The following RIMBP2 variants were observed in gnomAD, a reference collection of about 807,000 sequenced individuals.
RIMBP2 encodes the protein RIMS binding protein 2.
Under a neutral mutation model 118.6 loss-of-function variants are expected in RIMBP2, and 48 were observed. The observed-to-expected ratio is 0.40, with a 90% CI of 0.32 to 0.51. RIMBP2 has a LOEUF of 0.51. Ranked by LOEUF, RIMBP2 falls within the 20% of genes least tolerant of loss-of-function variation. The pLI is 0.41. For missense variants in RIMBP2, 1,551 were observed against 1,768.3 expected, an observed-to-expected ratio of 0.88 and a Z score of 2.20; for synonymous variants, 762 against 742.9, an observed-to-expected ratio of 1.03 and a Z score of -0.42.
intron 7 of RIMBP2, among the ~76,000 whole-genome samples, chr12:130,455,262 G>A (rs1428331876): frequency 1.3e-5 from 2 of 152,248 alleles, no homozygotes; most frequent in Non-Finnish European, 2.9e-5. Flanking sequence ...CTCAAATGTG[G>A]TTTCTTGGCA....
chr12:130,436,451 AC>A (rs2077525160), intron 13 of RIMBP2, among the ~76,000 whole-genome samples: 1 of 152,150 alleles, frequency 6.6e-6, no homozygotes, highest in African/African-American at 2.4e-5. Flanking sequence ...ACATGCACAC[AC>A]ACACAGAACC....
At position 130,475,976 on chromosome 12, in the gene RIMBP2, C is replaced by T. The variant is rs138993730; in HGVS notation, c.102+2936G>A. Among the ~76,000 whole-genome samples the T allele has an allele frequency of 6.0e-4, 92 of 152,070 alleles. 1 individual carries two copies. Among genetic ancestry groups the T allele is most frequent in the African/African-American group, 2.1e-3 (86 of 41,506 alleles). Reference sequence around the variant, plus strand: ...ATCGTCTGGCTTCCGGGTCTAAACCCGGGAGTTACCACGCAGAGGTGGTGC... The same window carrying T: ...ATCGTCTGGCTTCCGGGTCTAAACCTGGGAGTTACCACGCAGAGGTGGTGC... On this transcript the variant is annotated intron_variant, in intron 5 of 22. Coordinates refer to ENST00000690449, the MANE Select transcript of RIMBP2 (RefSeq NM_001393629.1). The surrounding 1 kb of genome is among the most constrained non-coding windows in gnomAD (Gnocchi z 4.1).
intron 14 of RIMBP2, among the ~76,000 whole-genome samples, chr12:130,432,569 A>G (rs1298477653): frequency 1.3e-5 from 2 of 152,178 alleles, no homozygotes; most frequent in Admixed American, 6.5e-5. Context: ...AGATTAAATG[A>G]CATCATGATG....
At chr12:130,438,969 G>A (rs1012027169) in intron 11 of RIMBP2, among the ~76,000 whole-genome samples, 14 of 143,450 alleles carry the variant, frequency 9.8e-5, no homozygotes, top group Non-Finnish European at 1.8e-4. Context: ...TCATCCCCCC[G>A]CCCGCCCCTC....
At chr12:130,610,223 T>C (rs1053669466) in intron 2 of RIMBP2, among the ~76,000 whole-genome samples, 2 of 151,030 alleles carry the variant, frequency 1.3e-5, no homozygotes, top group Admixed American at 1.3e-4. Context: ...CCTCCCGTTC[T>C]GGGGGAAAAT....
chr12:130,692,359 G>C (rs977667553), intron 1 of RIMBP2, among the ~76,000 whole-genome samples: 3 of 152,056 alleles, frequency 2.0e-5, no homozygotes, highest in Non-Finnish European at 4.4e-5. Flanking sequence ...CCCACTGCTT[G>C]TTTATAACAA....
chr12:130,571,656 T>A (rs1369665389), intron 2 of RIMBP2, among the ~76,000 whole-genome samples: 1 of 152,024 alleles, frequency 6.6e-6, no homozygotes, highest in East Asian at 1.9e-4. Flanking sequence ...CACAGTAACC[T>A]CTTAATGCTC....
At chr12:130,470,367 C>T in intron 6 of RIMBP2, 1 of 275,568 alleles carries the variant, frequency 3.6e-6, no homozygotes. Flanking sequence ...AGCGAGTGAG[C>T]CACGCCCCCT....
chr12:130,541,953 T>G (rs2054649197), intron 2 of RIMBP2, among the ~76,000 whole-genome samples: 2 of 152,232 alleles, frequency 1.3e-5, no homozygotes. Flanking sequence ...GGCTGAGTGT[T>G]GGCAAGGTGA....
At chr12:130,606,837 C>T (rs929277759) in intron 2 of RIMBP2, among the ~76,000 whole-genome samples, 53 of 152,102 alleles carry the variant, frequency 3.5e-4, no homozygotes, top group African/African-American at 1.3e-3. Context: ...ACAAGCAGTT[C>T]CAATTCTTTT....
At chr12:130,403,884 G>C (rs1482654241) in intron 21 of RIMBP2, among the ~76,000 whole-genome samples, 1 of 152,048 alleles carries the variant, frequency 6.6e-6, no homozygotes, top group African/African-American at 2.4e-5. Context: ...AAAATAAGCA[G>C]AGCAAACTAA....
At chr12:130,702,909 A>G (rs1311154068) in intron 1 of RIMBP2, among the ~76,000 whole-genome samples, 2 of 152,134 alleles carry the variant, frequency 1.3e-5, no homozygotes, top group African/African-American at 4.8e-5. Context: ...CCATGAAATC[A>G]ACCATCCCGG....
intron 1 of RIMBP2, among the ~76,000 whole-genome samples, chr12:130,668,881 G>C (rs2064071334): frequency 6.6e-6 from 1 of 152,230 alleles, no homozygotes; most frequent in South Asian, 2.1e-4. Context: ...CACCCTCCAT[G>C]TTAAGCCAAG....
At chr12:130,649,878 C>T (rs986471669) in intron 1 of RIMBP2, among the ~76,000 whole-genome samples, 18 of 152,100 alleles carry the variant, frequency 1.2e-4, no homozygotes, top group South Asian at 4.1e-4. Context: ...TCACACTCTG[C>T]GGGCCCTGGA....
chr12:130,448,251 G>A (rs1593335668), intron 9 of RIMBP2, among the ~76,000 whole-genome samples: 3 of 152,154 alleles, frequency 2.0e-5, no homozygotes, highest in African/African-American at 4.8e-5. Flanking sequence ...GGCTCGTCAC[G>A]CCCCCGCTTC....
At chr12:130,562,927 T>C (rs1477328000) in intron 2 of RIMBP2, among the ~76,000 whole-genome samples, 1 of 152,228 alleles carries the variant, frequency 6.6e-6, no homozygotes, top group African/African-American at 2.4e-5. Context: ...AGTAACTCAC[T>C]GTGCATTTAA....
chr12:130,646,141 C>CGCT (rs1449956819), intron 1 of RIMBP2, among the ~76,000 whole-genome samples: 2 of 102,844 alleles, frequency 1.9e-5, no homozygotes, highest in Admixed American at 1.0e-4. Context: ...CCACCTCCCT[C>CGCT]ACCACCTGCC....
At chr12:130,506,149 C>T (rs180842935) in intron 4 of RIMBP2, among the ~76,000 whole-genome samples, 22 of 152,056 alleles carry the variant, frequency 1.4e-4, no homozygotes, top group African/African-American at 4.6e-4. Context: ...AGCAAATCAA[C>T]CCACTGGCTA....
intron 1 of RIMBP2, among the ~76,000 whole-genome samples, chr12:130,679,121 A>G (rs1175326677): frequency 6.6e-6 from 1 of 152,242 alleles, no homozygotes; most frequent in Non-Finnish European, 1.5e-5. Context: ...AACAACCAAA[A>G]AAAAGAAGGG....
Sources: gnomAD v4.1 joint callset for allele counts (sites outside exome capture counted in the v4.1 genomes callset) on GRCh38, gnomAD v4.1.1 for gene constraint, Gnocchi (gnomAD v3.1) non-coding constraint, MANE v1.5 for transcripts, NCBI Gene and HGNC (gene_info 2026-07-23, HGNC 2026-07-21) for gene names.